The following FBXW11 variants were observed in gnomAD, a reference collection of about 807,000 sequenced individuals.
FBXW11 encodes F-box and WD repeat domain containing 11.
FBXW11 carries 19 observed loss-of-function variants against 77.6 expected under a neutral mutation model. The observed-to-expected ratio is 0.24, with a 90% CI of 0.17 to 0.36. The LOEUF is 0.36. FBXW11 is among the 10% of genes least tolerant of loss of function. The pLI, the probability that FBXW11 is intolerant of heterozygous loss-of-function variation, is 1.00. For synonymous variants in FBXW11, 235 were observed against 249.4 expected (o/e 0.94, Z 0.54); for missense variants, 334 against 704.2 (o/e 0.47, Z 5.95).
intron 1 of FBXW11, among the ~76,000 whole-genome samples, chr5:172,003,676 T>C (rs1478923457): frequency 1.3e-5 from 2 of 152,178 alleles, no homozygotes; most frequent in East Asian, 3.8e-4. Flanking sequence ...GCAACCTGGG[T>C]GGACCCAGGC....
chr5:171,911,648 T>C (rs1561675235), intron 3 of FBXW11, among the ~76,000 whole-genome samples: 1 of 152,250 alleles, frequency 6.6e-6, no homozygotes, highest in Non-Finnish European at 1.5e-5. Flanking sequence ...AAACCATGTA[T>C]ACCTGAAAAG....
In FBXW11 at chr5:171,909,595, C is replaced by A. The variant is rs184002547; in HGVS notation, c.436+977G>T. Among the ~76,000 whole-genome samples the A allele has an allele frequency of 1.4e-4, 21 of 152,264 alleles. No homozygotes were observed. In the South Asian group the frequency reaches 2.1e-3, roughly 15 times the overall value. On this transcript the variant is annotated intron_variant, in intron 4 of 13. Coordinates refer to ENST00000517395, the MANE Select transcript of FBXW11 (RefSeq NM_001378974.1). ...AACGGGTTATGTGAATATGGGAATT[C>A]TCTGCATTTTCCCTTCAATTTTGAT...
chr5:171,947,722 C>A (rs1763085378), intron 2 of FBXW11, among the ~76,000 whole-genome samples: 1 of 151,964 alleles, frequency 6.6e-6, no homozygotes, highest in Non-Finnish European at 1.5e-5. Context: ...AATGTACCAG[C>A]CTGGGGAACA....
intron 4 of FBXW11, among the ~76,000 whole-genome samples, chr5:171,905,596 C>CCA (rs1760446095): frequency 2.9e-5 from 3 of 102,148 alleles, no homozygotes; most frequent in Non-Finnish European, 5.0e-5. Flanking sequence ...CTAACCCCCC[C>CCA]CCCTTTATTT....
intron 2 of FBXW11, among the ~76,000 whole-genome samples, chr5:171,920,576 A>G (rs1400013335): frequency 6.6e-6 from 1 of 152,070 alleles, no homozygotes; most frequent in East Asian, 1.9e-4. Context: ...AAATTTAAAA[A>G]TAAGCCAAGC....
chr5:171,864,005 A>G lies in FBXW11; in HGVS notation c.*122T>C, dbSNP rs1757231792. 6.6e-6 allele frequency: 1 copy of G among 152,192 alleles called. No individual in the cohort carries two copies. The highest frequency in any genetic ancestry group is 6.5e-5 in the Admixed American group (1 of 15,276). The allele number at this position is 152,192 out of a possible 1,614,324, so 9.4% of individuals were successfully genotyped here. ...GAGTTAGGCTGCTTTGCATCTACCC[A>G]GCGTCTAGAACCAATTCCAGCTTCA... On this transcript the variant is annotated 3_prime_UTR_variant, in exon 14 of 14. Coordinates refer to ENST00000517395, the MANE Select transcript of FBXW11 (RefSeq NM_001378974.1).
intron 2 of FBXW11, among the ~76,000 whole-genome samples, chr5:171,931,152 T>C (rs1762171697): frequency 6.6e-6 from 1 of 152,188 alleles, no homozygotes; most frequent in South Asian, 2.1e-4. Context: ...GCAAGTTACT[T>C]TGTGGATATT....
intron 1 of FBXW11, among the ~76,000 whole-genome samples, chr5:172,005,114 T>C (rs936503204): frequency 2.0e-5 from 3 of 152,154 alleles, no homozygotes; most frequent in Admixed American, 2.0e-4. Flanking sequence ...GTGTCACCAT[T>C]TATTATTTAT....
intron 1 of FBXW11, among the ~76,000 whole-genome samples, chr5:171,990,927 G>A (rs753953231): frequency 1.3e-5 from 2 of 152,086 alleles, no homozygotes; most frequent in Non-Finnish European, 2.9e-5. Flanking sequence ...CTGGGTTCAA[G>A]CGATTCTCCT....
intron 3 of FBXW11, among the ~76,000 whole-genome samples, chr5:171,911,918 C>T (rs1357026957): frequency 6.6e-6 from 1 of 152,166 alleles, no homozygotes; most frequent in Non-Finnish European, 1.5e-5. Context: ...ATTTGTCAAG[C>T]TATCTATTGA....
chr5:171,962,365 G>A (rs907990366), intron 1 of FBXW11, among the ~76,000 whole-genome samples: 10 of 152,242 alleles, frequency 6.6e-5, no homozygotes, highest in East Asian at 1.9e-4. Context: ...TTATAATTTC[G>A]TATTTAGCTA....
At chr5:171,957,286 A>G (rs1763663306) in intron 2 of FBXW11, among the ~76,000 whole-genome samples, 1 of 152,206 alleles carries the variant, frequency 6.6e-6, no homozygotes, top group African/African-American at 2.4e-5. Flanking sequence ...AGCCAAATGG[A>G]AAATGTCAGG....
chr5:171,880,839 G>A (rs375773565), intron 7 of FBXW11, among the ~76,000 whole-genome samples: 2 of 152,204 alleles, frequency 1.3e-5, no homozygotes, highest in East Asian at 3.9e-4. Flanking sequence ...AGGACTATAG[G>A]CGCCCACCAC....
chr5:171,883,245 C>T (rs1169371205), intron 7 of FBXW11, among the ~76,000 whole-genome samples: 2 of 152,178 alleles, frequency 1.3e-5, no homozygotes, highest in African/African-American at 4.8e-5. Flanking sequence ...CTGCTATAAA[C>T]ATCCATGTGC....
chr5:171,934,538 G>A (rs974892724), intron 2 of FBXW11, among the ~76,000 whole-genome samples: 19 of 151,938 alleles, frequency 1.3e-4, no homozygotes, highest in Non-Finnish European at 2.2e-4. Flanking sequence ...TTAGCCAGGT[G>A]TGGTGGTGCA....
intron 7 of FBXW11, among the ~76,000 whole-genome samples, chr5:171,880,950 C>T (rs1758460380): frequency 6.6e-6 from 1 of 152,210 alleles, no homozygotes; most frequent in South Asian, 2.1e-4. Flanking sequence ...CCCACCTCGG[C>T]CTCCCTAAAG....
intron 2 of FBXW11, among the ~76,000 whole-genome samples, chr5:171,938,755 A>G (rs1453123764): frequency 6.6e-6 from 1 of 152,236 alleles, no homozygotes; most frequent in Non-Finnish European, 1.5e-5. Flanking sequence ...AACAACCTAC[A>G]TGCTCATACG....
intron 13 of FBXW11, chr5:171,868,104 A>G (rs1757525306): frequency 6.6e-6 from 1 of 152,142 alleles, no homozygotes; most frequent in Admixed American, 6.5e-5. Flanking sequence ...ATGGAAGCAG[A>G]ATAGGTTTTA....
At chr5:171,987,365 G>C (rs896485067) in intron 1 of FBXW11, among the ~76,000 whole-genome samples, 1 of 152,132 alleles carries the variant, frequency 6.6e-6, no homozygotes, top group African/African-American at 2.4e-5. Flanking sequence ...GGTTCCCTTT[G>C]CTATGAAGCT....
Sources: allele counts gnomAD v4.1 joint callset (sites outside exome capture counted in the v4.1 genomes callset), GRCh38; gene constraint gnomAD v4.1.1; transcripts MANE v1.5; gene names NCBI Gene and HGNC (gene_info 2026-07-23, HGNC 2026-07-21).